Variants in CHD6 observed in about 807,000 individuals in gnomAD.
The protein encoded by CHD6 is chromodomain helicase DNA binding protein 6.
In CHD6, 50 loss-of-function variants were observed where a neutral mutation model predicts 276.9. That is an observed-to-expected ratio of 0.18 (90% CI 0.14 to 0.23). CHD6 has a LOEUF of 0.23. Ranked by LOEUF, CHD6 falls within the 10% of genes least tolerant of loss-of-function variation. The probability of loss-of-function intolerance (pLI) is 1.00; values close to 1 mark genes in which losing one functional copy is unlikely to be tolerated. For missense variants in CHD6, 2,564 were observed against 3,365.8 expected, an observed-to-expected ratio of 0.76 and a Z score of 5.89; for synonymous variants, 1,173 against 1,229.3, an observed-to-expected ratio of 0.95 and a Z score of 0.96.
chr20:41,571,372 A>C (rs2045414381), intron 1 of CHD6, among the ~76,000 whole-genome samples: 3 of 151,704 alleles, frequency 2.0e-5, no homozygotes, highest in African/African-American at 4.8e-5. Context: ...ACCAAAAGAA[A>C]GGAAGTCTGG....
At chr20:41,423,726 G>C in intron 29 of CHD6, 26 bp from the exon 30 acceptor site, 1 of 1,585,744 alleles carries the variant, frequency 6.3e-7, no homozygotes, top group Non-Finnish European at 8.6e-7. Flanking sequence ...GAAAGGAAGA[G>C]TGAGCTCTTT....
chr20:41,446,221 G>C (rs2048064271), intron 24 of CHD6, among the ~76,000 whole-genome samples: 1 of 152,194 alleles, frequency 6.6e-6, no homozygotes, highest in African/African-American at 2.4e-5. Context: ...GCCTCAACAA[G>C]TAGAGATCTT....
intron 5 of CHD6, among the ~76,000 whole-genome samples, chr20:41,512,185 G>C (rs1034989990): frequency 6.6e-6 from 1 of 151,164 alleles, no homozygotes; most frequent in African/African-American, 2.4e-5. Context: ...TGTTGATCTC[G>C]AACTCCTGGC....
rs375040457 is a variant in CHD6 at position 41,405,056 on chromosome 20, G to A, written c.7685C>T (p.Thr2562Met). The A allele has an allele frequency of 2.4e-5, 39 of 1,614,076 alleles. No homozygotes were observed. Among genetic ancestry groups the A allele is most frequent in the Non-Finnish European group, 2.8e-5 (33 of 1,180,054 alleles). ...ASLSSTTKSG[T>M]AVTEKTAEDK... ...TTCCGCAGTCTTTTCAGTCACTGCC[G>A]TACCACTTTTCGTTGTGCTTGATAG... Residue 2562 changes from threonine (T) to methionine (M), a missense_variant, in exon 37 of 37, where the codon ACG (threonine) becomes ATG (methionine). Around this residue, in one of 7 missense-constraint regions of CHD6, gnomAD observed 238 missense variants for 266.0 expected, o/e 0.89. Transcript: ENST00000373233.
At chr20:41,439,878 G>T in intron 26 of CHD6, 122 bp downstream of exon 26, 1 of 949,706 alleles carries the variant, frequency 1.1e-6, no homozygotes, top group Non-Finnish European at 1.6e-6. Context: ...GCGGCAGTGT[G>T]GCAAGGTGTA....
intron 5 of CHD6, among the ~76,000 whole-genome samples, chr20:41,506,029 T>C (rs979427481): frequency 1.3e-5 from 2 of 152,166 alleles, no homozygotes; most frequent in African/African-American, 4.8e-5. Flanking sequence ...ACACCATATC[T>C]GACTGGCCTA....
intron 3 of CHD6, among the ~76,000 whole-genome samples, chr20:41,530,059 G>A (rs574939586): frequency 1.3e-5 from 2 of 152,182 alleles, no homozygotes; most frequent in South Asian, 2.1e-4. Flanking sequence ...ACATGGCCCA[G>A]CACCACCACC....
chr20:41,446,444 A>G (rs1600876839), intron 24 of CHD6, among the ~76,000 whole-genome samples: 2 of 64,956 alleles, frequency 3.1e-5, no homozygotes, highest in Non-Finnish European at 4.8e-5. Context: ...GAGTTTCTGT[A>G]ACGTGTTTGG....
chr20:41,471,658 C>A (rs2043056031), intron 17 of CHD6, among the ~76,000 whole-genome samples: 1 of 151,912 alleles, frequency 6.6e-6, no homozygotes, highest in African/African-American at 2.4e-5. Flanking sequence ...GCCTTAGTCT[C>A]CCGAGTAGCT....
At position 41,412,178 on chromosome 20, in the gene CHD6, C is replaced by G; in HGVS notation, c.7217G>C (p.Arg2406Thr). ...LDVSSLSGEE[R>T]VPAIPKEPGL... is the part of the protein sequence containing the mutation. ...TGGCTCCTTGGGGATGGCAGGAACT[C>G]TCTCTTCCCCGCTCAGGGAGCTGAC... The change falls in exon 36 of 37, where the codon AGA becomes ACA. Residue 2406 changes from arginine to threonine, a missense_variant. Arg to Thr is a moderately conservative substitution (Grantham distance 71). Transcript: ENST00000373233. The G allele has an allele frequency of 1.2e-6, 2 of 1,614,206 alleles. No individual in the cohort carries two copies. Among genetic ancestry groups the G allele is most frequent in the Non-Finnish European group, 8.5e-7 (1 of 1,180,028 alleles).
Position 41,579,570 on chromosome 20 carries a change from A to T in CHD6, c.-23-28210T>A, listed in dbSNP as rs377756041. 5.3e-5 allele frequency among the ~76,000 whole-genome samples: 8 copies of T among 152,302 alleles called. No homozygotes were observed. The South Asian group carries it at 1.2e-3, about 24-fold the overall frequency. On this transcript the variant is annotated intron_variant, in intron 1 of 36. Coordinates refer to ENST00000373233, the MANE Select transcript of CHD6 (RefSeq NM_032221.5). ...GCCTACATCTGTAAAACACAAAAAC[A>T]TCTGATACTAGTGGTCTCTAAAGAC...
chr20:41,452,119 C>T lies in CHD6; in HGVS notation c.3324-94G>A. The stretch of plus-strand genomic sequence containing the variant: ...GGAGGAGAAACAAGAGCCATACATG[C>T]TTTTTGTTCTCTGTAGGTCTGTTAA... On this transcript the variant is annotated intron_variant, in intron 21 of 36. Coordinates refer to ENST00000373233, the MANE Select transcript of CHD6 (RefSeq NM_032221.5). The surrounding 1 kb of genome is among the most constrained non-coding windows in gnomAD (Gnocchi z 4.2). The T allele has an allele frequency of 1.0e-6, 1 of 963,456 alleles. No homozygotes were observed. Among genetic ancestry groups the T allele is most frequent in the Non-Finnish European group, 1.6e-6 (1 of 614,512 alleles). The allele number at this position is 963,456 out of a possible 1,614,324, so 59.7% of individuals were successfully genotyped here. A position where few individuals can be genotyped will look rare whatever the true frequency, so the allele number is the denominator to read the frequency against.
At chr20:41,479,625 TA>T (rs1323223424) in intron 16 of CHD6, among the ~76,000 whole-genome samples, 2 of 151,836 alleles carry the variant, frequency 1.3e-5, no homozygotes, top group Admixed American at 6.6e-5. Context: ...CAGATGAAGA[TA>T]AAAAAATTCT....
chr20:41,532,978 G>C (rs1299377838), intron 3 of CHD6, 72 bp downstream of exon 3: 4 of 1,490,400 alleles, frequency 2.7e-6, no homozygotes, highest in Non-Finnish European at 3.6e-6. Context: ...CTAGGGGCTT[G>C]GGCTAATGCC....
In CHD6 at chr20:41,421,451, A is replaced by G; in HGVS notation, c.5184T>C (p.Thr1728=). ...SSFQESPSTN[T]ESRKDVITIS... ...TGGTAATAACATCTTTTCTAGATTCAGTATTGGTACTTGGGCTCTCCTGAA... is the reference window on the plus strand; with the variant it reads ...TGGTAATAACATCTTTTCTAGATTCGGTATTGGTACTTGGGCTCTCCTGAA... Residue 1728 remains threonine, a synonymous_variant, in exon 31 of 37, where the codon ACT becomes ACC. Coordinates refer to ENST00000373233, the MANE Select transcript of CHD6 (RefSeq NM_032221.5). 6.2e-7 allele frequency: 1 copy of G among 1,614,192 alleles called. No homozygotes were observed. The highest frequency in any genetic ancestry group is 8.5e-7 in the Non-Finnish European group (1 of 1,180,028).
chr20:41,601,995 C>T (rs2045777886), intron 1 of CHD6, among the ~76,000 whole-genome samples: 1 of 152,194 alleles, frequency 6.6e-6, no homozygotes, highest in Admixed American at 6.5e-5. Flanking sequence ...ACAGGGCCTC[C>T]CTCTGGCCAT....
At chr20:41,531,179 T>TAA (rs914050235) in intron 3 of CHD6, among the ~76,000 whole-genome samples, 10 of 152,152 alleles carry the variant, frequency 6.6e-5, no homozygotes, top group African/African-American at 2.4e-4. Context: ...GAGGAGTTGA[T>TAA]AAAATTGTAA....
chr20:41,462,801 C>T lies in CHD6; in HGVS notation c.2665-5373G>A, dbSNP rs561384973. On this transcript the variant is annotated intron_variant, in intron 17 of 36. Transcript: ENST00000373233. ...ATGAATGCATATATTTACACATATG[C>T]ATATTTATAGTCTCTCTTTCTGTGT... is the stretch of plus-strand genomic sequence containing the variant. Among the ~76,000 whole-genome samples the T allele has an allele frequency of 8.1e-4, 123 of 152,280 alleles. 1 individual carries two copies. The highest frequency in any genetic ancestry group is 2.7e-3 in the African/African-American group (113 of 41,534).
intron 1 of CHD6, among the ~76,000 whole-genome samples, chr20:41,565,167 G>A (rs1209620952): frequency 2.0e-5 from 3 of 151,410 alleles, no homozygotes; most frequent in Non-Finnish European, 4.4e-5. Flanking sequence ...CGCGATCTCA[G>A]CTCACTGCAA....
Sources: allele counts gnomAD v4.1 joint callset (sites outside exome capture counted in the v4.1 genomes callset), GRCh38; gene constraint gnomAD v4.1.1; regional missense constraint gnomAD v4.1.1; non-coding constraint Gnocchi (gnomAD v3.1); transcripts MANE v1.5; gene names NCBI Gene and HGNC (gene_info 2026-07-23, HGNC 2026-07-21).